KIF1B: variants seen among roughly 807,000 people sequenced by gnomAD.
The protein encoded by KIF1B is kinesin-like protein KIF1B.
KIF1B carries 76 observed loss-of-function variants against 241.9 expected under a neutral mutation model. The observed-to-expected ratio is 0.31, with a 90% CI of 0.26 to 0.38. The LOEUF (loss-of-function observed/expected upper bound fraction) is 0.38. KIF1B is among the 10% of genes least tolerant of loss of function. KIF1B has a pLI of 1.00. For synonymous variants in KIF1B, 750 were observed against 796.7 expected, an observed-to-expected ratio of 0.94 and a Z score of 0.99; for missense variants, 1,622 against 2,271.4, an observed-to-expected ratio of 0.71 and a Z score of 5.81.
chr1:10,288,923 A>G (rs1649848857), intron 15 of KIF1B, among the ~76,000 whole-genome samples: 1 of 152,154 alleles, frequency 6.6e-6, no homozygotes, highest in African/African-American at 2.4e-5. Flanking sequence ...ACACTAGACA[A>G]CTTAAGGTTT....
chr1:10,326,208 G>A lies in KIF1B; in HGVS notation c.2773G>A (p.Asp925Asn). The A allele has an allele frequency of 1.2e-6, 2 of 1,614,188 alleles. No homozygotes were observed. Among genetic ancestry groups the A allele is most frequent in the Admixed American group, 1.7e-5 (1 of 60,012 alleles). ...CGATTCCGACATCACTGAGCTGGCT[G>A]ACGAGCAGCAAGATGAGATGGAGGA... ...TADSDITELA[D>N]EQQDEMEDFD... Residue 925 changes from aspartate (D) to asparagine (N), a missense_variant, in exon 27 of 49, where the codon GAC becomes AAC. By Grantham distance (23) the Asp-to-Asn change is conservative (BLOSUM62 1). Around this residue, in one of 7 missense-constraint regions of KIF1B, gnomAD observed 803 missense variants for 1,112.0 expected, o/e 0.72. Coordinates refer to ENST00000676179, the MANE Select transcript of KIF1B (RefSeq NM_001365951.3). The surrounding 1 kb of genome is among the most constrained non-coding windows in gnomAD (Gnocchi z 5.2).
intron 2 of KIF1B, 87 bp downstream of exon 2, chr1:10,232,521 C>A: frequency 2.2e-6 from 2 of 924,006 alleles, no homozygotes; most frequent in Non-Finnish European, 3.5e-6. Context: ...AATAGATGAA[C>A]ATCTGTATGT....
In KIF1B at chr1:10,378,241, T is replaced by C; in HGVS notation, c.*1654T>C. On this transcript the variant is annotated 3_prime_UTR_variant, in exon 49 of 49. Coordinates refer to ENST00000676179, the MANE Select transcript of KIF1B (RefSeq NM_001365951.3). ...GTCCAGGGAGCCCGGGCCCCAGGCT[T>C]TGTTGCGTGTTCCCTGCTCCTCTCC... The C allele has an allele frequency of 1.4e-6, 1 of 705,052 alleles. No homozygotes were observed. The highest frequency in any genetic ancestry group is 2.6e-6 in the Non-Finnish European group (1 of 379,928). 43.7% of individuals were successfully genotyped at this position (705,052 alleles called of 1,614,324 possible).
rs748371160 is a variant in KIF1B at position 10,365,514 on chromosome 1, A to G, written c.4618A>G (p.Ser1540Gly). The stretch of plus-strand genomic sequence containing the variant: ...CCCCAGCCTCAGCAGTGGGACCCTC[A>G]GCACCTCCACCAGTATCTCCTCTCA... ...LSPSLSSGTL[S>G]TSTSISSQIS... Residue 1540 changes from serine to glycine, a missense_variant, in exon 43 of 49, where the codon AGC becomes GGC. Around this residue, in one of 7 missense-constraint regions of KIF1B, gnomAD observed 357 missense variants for 409.0 expected, o/e 0.87. Coordinates refer to ENST00000676179, the MANE Select transcript of KIF1B (RefSeq NM_001365951.3). The surrounding 1 kb of genome is among the most constrained non-coding windows in gnomAD (Gnocchi z 4.0). 2 of 1,614,104 alleles carry G rather than the reference A, an allele frequency of 1.2e-6. No individual in the cohort carries two copies. Among genetic ancestry groups the G allele is most frequent in the South Asian group, 2.2e-5 (2 of 91,076 alleles).
chr1:10,323,562 C>T (rs1259083083), intron 24 of KIF1B, among the ~76,000 whole-genome samples: 1 of 152,152 alleles, frequency 6.6e-6, no homozygotes, highest in Non-Finnish European at 1.5e-5. Context: ...GTGGAGGCTA[C>T]AGTGCTCTGT....
chr1:10,374,373 G>C lies in KIF1B; in HGVS notation c.5004G>C (p.Gln1668His), dbSNP rs1214649064. The C allele has an allele frequency of 1.2e-6, 2 of 1,614,140 alleles. No homozygotes were observed. The change falls in exon 46 of 49, where the codon CAG becomes CAC. Residue 1668 changes from glutamine (Q) to histidine (H), a missense_variant. Gln to His is a conservative substitution (Grantham distance 24). Around this residue, in one of 7 missense-constraint regions of KIF1B, gnomAD observed 357 missense variants for 409.0 expected, o/e 0.87. Transcript: ENST00000676179. The surrounding 1 kb of genome is among the most constrained non-coding windows in gnomAD (Gnocchi z 4.3). Reference protein sequence around the residue: ...SSPCPEFEQFQIVPAVETPYL... With the variant: ...SSPCPEFEQFHIVPAVETPYL... Reference sequence around the variant, plus strand: ...CCTGCCCAGAATTTGAACAGTTTCAGATTGTCCCAGCTGTGGAAACACCAT... The same window carrying C: ...CCTGCCCAGAATTTGAACAGTTTCACATTGTCCCAGCTGTGGAAACACCAT...
In KIF1B at chr1:10,365,820, G is replaced by A. The variant is rs1181841656; in HGVS notation, c.4752+172G>A. 6.6e-6 allele frequency among the ~76,000 whole-genome samples: 1 copy of A among 152,206 alleles called. No individual in the cohort carries two copies. The highest frequency in any genetic ancestry group is 1.5e-5 in the Non-Finnish European group (1 of 68,042). The stretch of plus-strand genomic sequence containing the variant: ...TACCCTCAACAAGCTTACAGGGCCA[G>A]GCACAGTGCCTGATGCCTATTATCC... On this transcript the variant is annotated intron_variant, in intron 43 of 48. Transcript: ENST00000676179. The surrounding 1 kb of genome is among the most constrained non-coding windows in gnomAD (Gnocchi z 4.0).
intron 4 of KIF1B, among the ~76,000 whole-genome samples, chr1:10,259,765 G>A (rs1437591391): frequency 6.6e-6 from 1 of 151,806 alleles, no homozygotes; most frequent in Non-Finnish European, 1.5e-5. Context: ...CTCCCAAAGT[G>A]CAGGGATTGC....
At chr1:10,257,220 G>A (rs1647842511) in intron 3 of KIF1B, among the ~76,000 whole-genome samples, 1 of 151,020 alleles carries the variant, frequency 6.6e-6, no homozygotes, top group Non-Finnish European at 1.5e-5. Context: ...GAGCCACCGT[G>A]CCTGGCCAAT....
chr1:10,218,701 G>A (rs1435910727), intron 1 of KIF1B, among the ~76,000 whole-genome samples: 1 of 152,152 alleles, frequency 6.6e-6, no homozygotes, highest in Non-Finnish European at 1.5e-5. Flanking sequence ...GATTATACGC[G>A]TGAGCCACGA....
chr1:10,372,784 C>T (rs1027836514), intron 45 of KIF1B, among the ~76,000 whole-genome samples: 6 of 149,460 alleles, frequency 4.0e-5, no homozygotes, highest in African/African-American at 1.5e-4. Flanking sequence ...TGCCCGCCAC[C>T]ACACCCAGCT....
chr1:10,372,270 C>A (rs1638752130), intron 45 of KIF1B, among the ~76,000 whole-genome samples: 1 of 152,066 alleles, frequency 6.6e-6, no homozygotes, highest in Non-Finnish European at 1.5e-5. Context: ...TGCAGTGGCT[C>A]ATACCTGTAA....
At chr1:10,217,630 C>A (rs985521236) in intron 1 of KIF1B, among the ~76,000 whole-genome samples, 3 of 152,000 alleles carry the variant, frequency 2.0e-5, no homozygotes, top group African/African-American at 7.2e-5. Context: ...CTTACTCTTT[C>A]TTCTGCCTGG....
chr1:10,371,047 A>G, intron 44 of KIF1B, 94 bp from the exon 45 acceptor site: 4 of 1,441,698 alleles, frequency 2.8e-6, no homozygotes, highest in Non-Finnish European at 3.9e-6. Flanking sequence ...AAGATGTATC[A>G]AAGTGAGGTT....
intron 14 of KIF1B, 70 bp from the exon 15 acceptor site, chr1:10,282,252 T>G (rs745755501): frequency 1.7e-5 from 21 of 1,228,302 alleles, no homozygotes; most frequent in Non-Finnish European, 2.5e-5. Context: ...TTCCTTCCTG[T>G]CTTTTTTTCT....
chr1:10,357,409 T>A (rs1173980174), intron 38 of KIF1B, among the ~76,000 whole-genome samples: 1 of 152,154 alleles, frequency 6.6e-6, no homozygotes, highest in East Asian at 1.9e-4. Flanking sequence ...AAATTGACAT[T>A]TCTCCCCAGT....
chr1:10,290,981 G>T (rs376199554), intron 15 of KIF1B, 101 bp from the exon 16 acceptor site: 1 of 836,838 alleles, frequency 1.2e-6, no homozygotes. Flanking sequence ...TTTAATTCTG[G>T]CCTGTATCCT....
At chr1:10,266,360 T>G (rs2102203175) in intron 5 of KIF1B, among the ~76,000 whole-genome samples, 1 of 152,354 alleles carries the variant, frequency 6.6e-6, no homozygotes, top group South Asian at 2.1e-4. Flanking sequence ...GTTGCTTAGA[T>G]ACATGTTTAA....
At chr1:10,267,015 C>T (rs1350178112) in intron 5 of KIF1B, among the ~76,000 whole-genome samples, 1 of 150,096 alleles carries the variant, frequency 6.7e-6, no homozygotes, top group East Asian at 1.9e-4. Context: ...TTCTTTCTTT[C>T]TTTCTTTCTT....
Sources: allele counts gnomAD v4.1 joint callset (sites outside exome capture counted in the v4.1 genomes callset), GRCh38; gene constraint gnomAD v4.1.1; regional missense constraint gnomAD v4.1.1; non-coding constraint Gnocchi (gnomAD v3.1); transcripts MANE v1.5; gene names NCBI Gene and HGNC (gene_info 2026-07-23, HGNC 2026-07-21).